ARL9: variants seen among roughly 807,000 people sequenced by gnomAD.
The protein encoded by ARL9 is ADP-ribosylation factor-like protein 9.
Under a neutral mutation model 27.0 loss-of-function variants are expected in ARL9, and 14 were observed. The ratio of observed to expected loss-of-function variants is 0.52; its 90% confidence interval spans 0.34 to 0.81. ARL9 has a LOEUF of 0.81. Ranked by LOEUF, ARL9 falls within the 30% of genes least tolerant of loss-of-function variation. The pLI is 0.01. For missense variants in ARL9, 294 were observed against 290.0 expected (o/e 1.01, Z -0.10); for synonymous variants, 106 against 108.7 (o/e 0.98, Z 0.15).
intron 3 of ARL9, among the ~76,000 whole-genome samples, chr4:56,519,658 T>C (rs1721864539): frequency 6.6e-6 from 1 of 152,086 alleles, no homozygotes; most frequent in African/African-American, 2.4e-5. Flanking sequence ...GGGTATACAG[T>C]GAAAAGAATT....
chr4:56,508,931 C>T (rs1427655156), intron 1 of ARL9, among the ~76,000 whole-genome samples: 1 of 152,112 alleles, frequency 6.6e-6, no homozygotes. Flanking sequence ...TATTTCTAAA[C>T]CAGCGCCATT....
At chr4:56,519,289 A>G (rs4131086) in intron 3 of ARL9, among the ~76,000 whole-genome samples, 56,956 of 151,974 alleles carry the variant, frequency 0.37, 11,562 homozygotes, top group East Asian at 0.64. Context: ...GAGCTGCTAT[A>G]GAAAACTGTA....
At chr4:56,514,582 G>C (rs1055056827) in intron 2 of ARL9, among the ~76,000 whole-genome samples, 1 of 152,178 alleles carries the variant, frequency 6.6e-6, no homozygotes, top group Non-Finnish European at 1.5e-5. Context: ...TCCTGGATAA[G>C]TGGCAAAAAT....
At chr4:56,510,747 G>T (rs978681975) in intron 1 of ARL9, among the ~76,000 whole-genome samples, 1 of 151,026 alleles carries the variant, frequency 6.6e-6, no homozygotes, top group African/African-American at 2.4e-5. Context: ...TGTTCTAGAC[G>T]TATAAAATAT....
Position 56,523,689 on chromosome 4 carries a change from G to C in ARL9, c.619-8G>C, listed in dbSNP as rs781130798. Reference sequence around the variant, plus strand: ...CTTTGTCCTATTCTTATTCCACTCCGGATGAAGGATCTTGAAGCAGCCTAT... The same window carrying C: ...CTTTGTCCTATTCTTATTCCACTCCCGATGAAGGATCTTGAAGCAGCCTAT... On this transcript the variant is annotated splice_polypyrimidine_tract_variant and splice_region_variant and intron_variant, in intron 3 of 3. Transcript: ENST00000640821. The C allele has an allele frequency of 1.9e-6, 3 of 1,607,658 alleles. No homozygotes were observed. The African/African-American group carries it at 4.0e-5, about 22-fold the overall frequency.
intron 3 of ARL9, among the ~76,000 whole-genome samples, chr4:56,521,295 A>G (rs1721911073): frequency 1.3e-5 from 2 of 152,018 alleles, no homozygotes. Flanking sequence ...AACTACAAAG[A>G]TTTAGAAGAT....
intron 1 of ARL9, among the ~76,000 whole-genome samples, chr4:56,507,797 A>G (rs1044314602): frequency 1.3e-5 from 2 of 151,558 alleles, no homozygotes; most frequent in Non-Finnish European, 2.9e-5. Flanking sequence ...AACATGGCAA[A>G]ACCCCATCTC....
At chr4:56,509,770 C>T (rs1393176999) in intron 1 of ARL9, among the ~76,000 whole-genome samples, 4 of 138,712 alleles carry the variant, frequency 2.9e-5, no homozygotes, top group East Asian at 2.3e-4. Flanking sequence ...TGCAGTGGCA[C>T]GATCTTGGCT....
At chr4:56,521,587 A>G (rs554449159) in intron 3 of ARL9, among the ~76,000 whole-genome samples, 1 of 152,330 alleles carries the variant, frequency 6.6e-6, no homozygotes, top group Non-Finnish European at 1.5e-5. Flanking sequence ...TTATTCTTCC[A>G]CCAGCAGAAT....
intron 1 of ARL9, among the ~76,000 whole-genome samples, chr4:56,507,088 G>A (rs1721488440): frequency 6.6e-6 from 1 of 151,968 alleles, no homozygotes; most frequent in South Asian, 2.1e-4. Context: ...GAGCCACCAC[G>A]GATTAACAGA....
intron 3 of ARL9, among the ~76,000 whole-genome samples, chr4:56,520,984 G>A (rs1039752829): frequency 3.9e-5 from 6 of 152,132 alleles, no homozygotes; most frequent in Admixed American, 3.3e-4. Flanking sequence ...GGCCGAGGTG[G>A]TTGGATCAGG....
rs1560695704 is a variant in ARL9, at chr4:56,509,208, TTG to T, written c.280-1975_280-1974del. On this transcript the variant is annotated intron_variant, in intron 1 of 3. Transcript: ENST00000640821. ...TTTTTTCTTTTTCTTTTTCTTTTTT[TTG>T]TTTTTTTTTTTTGGGATGGAGTCTG... Among the ~76,000 whole-genome samples, 280 of 125,852 alleles carry T rather than the reference TTG, an allele frequency of 2.2e-3. 1 individual carries two copies. The highest frequency in any genetic ancestry group is 8.2e-3 in the African/African-American group (272 of 33,090). 82.6% of individuals were successfully genotyped at this position (125,852 alleles called of 152,430 possible).
At chr4:56,514,909 T>G (rs1455825130) in intron 2 of ARL9, among the ~76,000 whole-genome samples, 1 of 152,172 alleles carries the variant, frequency 6.6e-6, no homozygotes, top group African/African-American at 2.4e-5. Context: ...ATTAAAGAGA[T>G]AATGTATCAC....
At position 56,516,466 on chromosome 4, in the gene ARL9, C is replaced by T. The variant is rs142896290; in HGVS notation, c.443-2212C>T. Among the ~76,000 whole-genome samples, 30 of 151,560 alleles carry T rather than the reference C, an allele frequency of 2.0e-4. No individual in the cohort carries two copies. In the East Asian group the frequency reaches 2.3e-3, roughly 12 times the overall value. Reference sequence around the variant, plus strand: ...TAGTGTCCAGAATATATAAAGAACTCCTACAAATAAAGACAACATAAAAAC... The same window carrying T: ...TAGTGTCCAGAATATATAAAGAACTTCTACAAATAAAGACAACATAAAAAC... On this transcript the variant is annotated intron_variant, in intron 2 of 3. Coordinates refer to ENST00000640821, the MANE Select transcript of ARL9 (RefSeq NM_001363794.2).
At position 56,518,668 on chromosome 4, in the gene ARL9, T is replaced by G; in HGVS notation, c.443-10T>G. The G allele has an allele frequency of 6.2e-7, 1 of 1,608,738 alleles. No individual in the cohort carries two copies. Among genetic ancestry groups the G allele is most frequent in the South Asian group, 1.1e-5 (1 of 90,362 alleles). The stretch of plus-strand genomic sequence containing the variant: ...GTGTGTGTGTCTTCTTCCTCTACTA[T>G]TCTCTGTAGTTGGTGGCAGTAAACC... On this transcript the variant is annotated splice_polypyrimidine_tract_variant and intron_variant, in intron 2 of 3. Transcript: ENST00000640821.
intron 3 of ARL9, 23 bp from the exon 4 acceptor site, chr4:56,523,674 T>C: frequency 6.3e-7 from 1 of 1,597,172 alleles, no homozygotes; most frequent in Non-Finnish European, 8.5e-7. Flanking sequence ...CTTTGTCCTA[T>C]TCTTATTCCA....
chr4:56,514,843 G>T (rs540851790), intron 2 of ARL9, among the ~76,000 whole-genome samples: 1 of 152,264 alleles, frequency 6.6e-6, no homozygotes, highest in South Asian at 2.1e-4. Flanking sequence ...GATAGTATAA[G>T]AAATGGAAAT....
intron 2 of ARL9, among the ~76,000 whole-genome samples, chr4:56,518,011 T>C (rs1394005279): frequency 6.6e-6 from 1 of 151,212 alleles, no homozygotes; most frequent in Non-Finnish European, 1.5e-5. Context: ...TTTTCTTTTC[T>C]TTTTTTTTAG....
intron 2 of ARL9, among the ~76,000 whole-genome samples, chr4:56,515,999 G>A (rs1286861093): frequency 6.6e-6 from 1 of 152,108 alleles, no homozygotes; most frequent in Non-Finnish European, 1.5e-5. Flanking sequence ...AGACACTCTT[G>A]TAGAAATTAA....
Sources: gnomAD v4.1 joint callset for allele counts (sites outside exome capture counted in the v4.1 genomes callset) on GRCh38, gnomAD v4.1.1 for gene constraint, MANE v1.5 for transcripts, NCBI Gene and HGNC (gene_info 2026-07-23, HGNC 2026-07-21) for gene names.